The following UNKL variants were observed in gnomAD, a reference collection of about 807,000 sequenced individuals.
The protein encoded by UNKL is unk like zinc finger, also known as putative E3 ubiquitin-protein ligase UNKL.
A neutral mutation model predicts 78.0 loss-of-function variants in UNKL; 60 were observed. The observed-to-expected ratio is 0.77, with a 90% confidence interval of 0.63 to 0.95. The LOEUF is 0.95. UNKL is among the 40% of genes least tolerant of loss of function. The probability of loss-of-function intolerance (pLI) is 0.00; values close to 1 mark genes in which losing one functional copy is unlikely to be tolerated. For missense variants in UNKL, 1,159 were observed against 1,045.7 expected (o/e 1.11, Z -1.49); for synonymous variants, 608 against 474.8 (o/e 1.28, Z -3.65).
intron 2 of UNKL, among the ~76,000 whole-genome samples, chr16:1,412,961 G>T (rs1217364521): frequency 2.0e-5 from 3 of 151,996 alleles, no homozygotes; most frequent in African/African-American, 7.3e-5. Context: ...ATCAGAGTGG[G>T]AAACAGCTAG....
At position 1,399,340 on chromosome 16, in the gene UNKL, C is replaced by A. The variant is rs1167519576; in HGVS notation, c.734+34G>T. On this transcript the variant is annotated intron_variant, in intron 5 of 14. Coordinates refer to ENST00000389221, the MANE Select transcript of UNKL (RefSeq NM_001372107.1). This position sits in a 1 kb window ranked among gnomAD's most constrained non-coding sequence, Gnocchi z 5.8. ...ACGGGCCGGGAAGGACGCCCACCAGCCGGAGTCCTCTGAGCACGGTCCCGC... is the reference window on the plus strand; with the variant it reads ...ACGGGCCGGGAAGGACGCCCACCAGACGGAGTCCTCTGAGCACGGTCCCGC... The A allele has an allele frequency of 1.6e-5, 25 of 1,531,262 alleles. No individual in the cohort carries two copies. Among genetic ancestry groups the A allele is most frequent in the Non-Finnish European group, 2.1e-5 (24 of 1,138,802 alleles). 94.9% of individuals were successfully genotyped at this position (1,531,262 alleles called of 1,614,324 possible).
chr16:1,398,679 G>GCTGCC, intron 5 of UNKL: 10 of 1,356,192 alleles, frequency 7.4e-6, no homozygotes, highest in Middle Eastern at 2.9e-4. Flanking sequence ...TGTGGGGTCT[G>GCTGCC]CACCCCCCCA....
At chr16:1,394,366 T>C in intron 6 of UNKL, 151 bp from the exon 7 acceptor site, 1 of 918,190 alleles carries the variant, frequency 1.1e-6, no homozygotes, top group Non-Finnish European at 1.7e-6. Context: ...CTCCTCCACG[T>C]GTGCCCTTGG....
chr16:1,367,238 TCACCTGTGC>T lies in UNKL; in HGVS notation c.1891_1899del (p.Ala631_Val633del). 6.3e-7 allele frequency: 1 copy of T among 1,595,994 alleles called. No individual in the cohort carries two copies. Among genetic ancestry groups the T allele is most frequent in the Non-Finnish European group, 8.5e-7 (1 of 1,174,500 alleles). ...CCCTCCAGCTCCTCCTGCAGCTGCT[TCACCTGTGC>T]CTCCACCTCCTCCTTCTTCTGCAGC... On this transcript the variant is annotated inframe_deletion, in exon 14 of 15. Transcript: ENST00000389221.
chr16:1,369,801 G>A (rs963342068), intron 12 of UNKL: 12 of 748,726 alleles, frequency 1.6e-5, no homozygotes, highest in Admixed American at 7.7e-5. Flanking sequence ...GTGATGAAAC[G>A]CCATCTCTAC....
chr16:1,367,269 C>T lies in UNKL; in HGVS notation c.1869G>A (p.Leu623=). ...GTGCCTCCACCTCCTCCTTCTTCTG[C>T]AGCGCCAGCTGCCGGTCGCTATCGG... ...RVADSDRQLA[L]QKKEEVEAQV... Residue 623 remains leucine, a synonymous_variant, in exon 14 of 15, where the codon CTG becomes CTA. Coordinates refer to ENST00000389221, the MANE Select transcript of UNKL (RefSeq NM_001372107.1). The T allele has an allele frequency of 1.3e-6, 2 of 1,578,572 alleles. No individual in the cohort carries two copies. Among genetic ancestry groups the T allele is most frequent in the South Asian group, 1.2e-5 (1 of 86,456 alleles).
At chr16:1,369,925 A>G in intron 12 of UNKL, 2 of 1,544,538 alleles carry the variant, frequency 1.3e-6, no homozygotes, top group Non-Finnish European at 1.7e-6. Flanking sequence ...CGGCGAGCCG[A>G]GATCGTACCA....
intron 13 of UNKL, 99 bp downstream of exon 13, chr16:1,367,532 CACACGCTCACCTGAGTCACCTGCGG>C: frequency 4.2e-6 from 4 of 955,094 alleles, no homozygotes; most frequent in South Asian, 1.7e-5. Flanking sequence ...TCTCACCCCC[CACACGCTCACCTGAGTCACCTGCGG>C]CCCTCCCTCC....
Position 1,369,176 on chromosome 16 carries a change from T to C in UNKL, c.1585+954A>G, listed in dbSNP as rs541073214. 3.4e-5 allele frequency among the ~76,000 whole-genome samples: 5 copies of C among 148,294 alleles called. No homozygotes were observed. In the East Asian group the frequency reaches 1.1e-3, roughly 32 times the overall value. ...CCTCCGACTCCCGGGTTCAAGCGAT[T>C]CTCCTGCCTTAGCCTCCCAAGTAGC... is the stretch of plus-strand genomic sequence containing the variant. On this transcript the variant is annotated intron_variant, in intron 12 of 14. Transcript: ENST00000389221.
intron 9 of UNKL, among the ~76,000 whole-genome samples, chr16:1,386,886 C>T (rs1487955336): frequency 6.6e-6 from 1 of 152,164 alleles, no homozygotes; most frequent in Non-Finnish European, 1.5e-5. Context: ...TCCCCTCCAG[C>T]TGCAAAGTCT....
intron 1 of UNKL, 136 bp from the exon 2 acceptor site, chr16:1,414,191 G>A (rs1316009451): frequency 2.3e-6 from 2 of 872,074 alleles, no homozygotes; most frequent in Non-Finnish European, 3.4e-6. Flanking sequence ...CGGGCCCCAG[G>A]CGCTGCGCCC....
At chr16:1,370,398 G>C (rs544874639) in intron 11 of UNKL, 41 bp from the exon 12 acceptor site, 1 of 1,524,774 alleles carries the variant, frequency 6.6e-7, no homozygotes, top group Admixed American at 2.1e-5. Flanking sequence ...GTACCGCCAG[G>C]CCTCTGCCCA....
At chr16:1,380,321 T>C (rs1489370348) in intron 10 of UNKL, among the ~76,000 whole-genome samples, 1 of 152,172 alleles carries the variant, frequency 6.6e-6, no homozygotes, top group African/African-American at 2.4e-5. Context: ...ACCAGCTTTG[T>C]CCAAAACCCT....
At chr16:1,368,663 G>C (rs181626899) in intron 12 of UNKL, among the ~76,000 whole-genome samples, 2 of 149,560 alleles carry the variant, frequency 1.3e-5, no homozygotes, top group African/African-American at 4.9e-5. Context: ...CACTTTGGGA[G>C]GTCGAGGCCA....
chr16:1,367,375 C>A (rs1375299320), intron 13 of UNKL, 26 bp from the exon 14 acceptor site: 11 of 1,519,158 alleles, frequency 7.2e-6, no homozygotes, highest in Admixed American at 4.0e-5. Flanking sequence ...CGTCTCAGCA[C>A]CCCCCACCTC....
Position 1,399,412 on chromosome 16 carries a change from G to A in UNKL, c.696C>T (p.Ser232=), listed in dbSNP as rs2037415989. 5.0e-6 allele frequency: 8 copies of A among 1,604,942 alleles called. No homozygotes were observed. Among genetic ancestry groups the A allele is most frequent in the Non-Finnish European group, 6.8e-6 (8 of 1,176,066 alleles). ...GCCGGGGGTTGCGCCGCCTGTCCCGGCTATTGTGGTAGTGTGGGCACGCAT... is the reference window on the plus strand; with the variant it reads ...GCCGGGGGTTGCGCCGCCTGTCCCGACTATTGTGGTAGTGTGGGCACGCAT... ...QGYACPHYHN[S]RDRRRNPRRF... is the part of the protein sequence containing the mutation. Residue 232 remains serine (S), a synonymous_variant, in exon 5 of 15, where the codon AGC becomes AGT. Transcript: ENST00000389221. This position sits in a 1 kb window ranked among gnomAD's most constrained non-coding sequence, Gnocchi z 5.8.
At chr16:1,369,970 G>A in intron 12 of UNKL, 160 bp downstream of exon 12, 1 of 1,550,528 alleles carries the variant, frequency 6.4e-7, no homozygotes, top group Non-Finnish European at 8.7e-7. Flanking sequence ...GCGAGACTCG[G>A]TCTGCGGCGT....
At chr16:1,412,299 G>C (rs964853091) in intron 2 of UNKL, 3 of 152,190 alleles carry the variant, frequency 2.0e-5, no homozygotes, top group Non-Finnish European at 2.9e-5. Context: ...ACAAAACCTT[G>C]ATTTCTTAAC....
chr16:1,402,742 T>C (rs898733693), intron 3 of UNKL, among the ~76,000 whole-genome samples: 3 of 151,340 alleles, frequency 2.0e-5, no homozygotes, highest in African/African-American at 7.3e-5. Context: ...CCCAGCACTT[T>C]GGGAAGCCAA....
Sources: gnomAD v4.1 joint callset for allele counts (sites outside exome capture counted in the v4.1 genomes callset) on GRCh38, gnomAD v4.1.1 for gene constraint, Gnocchi (gnomAD v3.1) non-coding constraint, MANE v1.5 for transcripts, NCBI Gene and HGNC (gene_info 2026-07-23, HGNC 2026-07-21) for gene names.